Variants in ZFYVE26 observed in about 807,000 individuals in gnomAD.
ZFYVE26 encodes the protein zinc finger FYVE domain-containing protein 26.
ZFYVE26 carries 181 observed loss-of-function variants against 276.5 expected under a neutral mutation model. The observed-to-expected ratio is 0.65, with a 90% CI of 0.58 to 0.74. ZFYVE26 has a LOEUF of 0.74. Ranked by LOEUF, ZFYVE26 falls within the 30% of genes least tolerant of loss-of-function variation. ZFYVE26 has a pLI of 0.00. For missense variants in ZFYVE26, 2,821 were observed against 3,097.9 expected (o/e 0.91, Z 2.12); for synonymous variants, 1,129 against 1,203.1 (o/e 0.94, Z 1.27).
Position 67,737,109 on chromosome 14 carries a change from G to A in ZFYVE26, n.2680-7290C>T, listed in dbSNP as rs557298395. 2.1e-3 allele frequency among the ~76,000 whole-genome samples: 226 copies of A among 106,618 alleles called. 1 individual carries two copies. Among genetic ancestry groups the A allele is most frequent in the Admixed American group, 6.2e-3 (54 of 8,772 alleles). 69.9% of individuals were successfully genotyped at this position (106,618 alleles called of 152,430 possible). A position where few individuals can be genotyped will look rare whatever the true frequency, so the allele number is the denominator to read the frequency against. ...TTTTCTTTTTTTTTTTTTTTTTTTC[G>A]GTAGAGACAAGGTCTCTCTCTGTTG... On this transcript the variant is annotated intron_variant and non_coding_transcript_variant, in intron 13 of 14. Transcript: ENST00000394455.
intron 27 of ZFYVE26, among the ~76,000 whole-genome samples, chr14:67,774,644 C>T (rs1311645690): frequency 2.0e-5 from 3 of 152,190 alleles, no homozygotes; most frequent in African/African-American, 7.2e-5. Context: ...AGTCACTTAA[C>T]ACTTCTGAAT....
chr14:67,802,941 C>T (rs1418694717), intron 9 of ZFYVE26, among the ~76,000 whole-genome samples: 1 of 152,176 alleles, frequency 6.6e-6, no homozygotes, highest in Admixed American at 6.5e-5. Flanking sequence ...CAGATTGTGA[C>T]TATACAATGA....
chr14:67,815,646 A>C (rs971140485), intron 2 of ZFYVE26, 124 bp downstream of exon 2: 1 of 960,994 alleles, frequency 1.0e-6, no homozygotes, highest in African/African-American at 1.6e-5. Flanking sequence ...GAGCACGTGA[A>C]ATACACTGTG....
intron 6 of ZFYVE26, among the ~76,000 whole-genome samples, chr14:67,805,852 A>G (rs2040169352): frequency 6.6e-6 from 1 of 152,118 alleles, no homozygotes; most frequent in Non-Finnish European, 1.5e-5. Context: ...AACATGGGGA[A>G]ACCCTATCTC....
chr14:67,751,265 T>C lies in ZFYVE26; in HGVS notation c.7372-169A>G, dbSNP rs926196971. 4.3e-5 allele frequency: 31 copies of C among 719,536 alleles called. No homozygotes were observed. In the African/African-American group the frequency reaches 5.4e-4, roughly 13 times the overall value. The allele number at this position is 719,536 out of a possible 1,614,324, so 44.6% of individuals were successfully genotyped here. On this transcript the variant is annotated intron_variant, in intron 40 of 41. Coordinates refer to ENST00000347230, the MANE Select transcript of ZFYVE26 (RefSeq NM_015346.4). ...TCACTATGTTGCCCATGCTGGAGTG[T>C]AGTGGCTTTTCACAGGCATGATCCC...
At chr14:67,748,749 C>T (rs948365135) in intron 41 of ZFYVE26, 110 bp from the exon 42 acceptor site, 9 of 1,068,566 alleles carry the variant, frequency 8.4e-6, no homozygotes, top group African/African-American at 7.8e-5. Context: ...TCACCTGCCA[C>T]GTTCATAACA....
chr14:67,816,113 T>C, intron 1 of ZFYVE26, 67 bp from the exon 2 acceptor site: 1 of 625,660 alleles, frequency 1.6e-6, no homozygotes, highest in African/African-American at 1.8e-5. Flanking sequence ...CAGCAACTAC[T>C]GGTCCGCCTG....
In ZFYVE26 at chr14:67,756,848, C is replaced by T. The variant is rs1313588379; in HGVS notation, c.6589-703G>A. On this transcript the variant is annotated intron_variant, in intron 35 of 41. Coordinates refer to ENST00000347230, the MANE Select transcript of ZFYVE26 (RefSeq NM_015346.4). ...ATTCCTCCTGAACTCCAGAACTGTA[C>T]ATCCAACTTATATCCAATTGTCTAC... is the stretch of plus-strand genomic sequence containing the variant. 2.0e-5 allele frequency among the ~76,000 whole-genome samples: 3 copies of T among 152,360 alleles called. No individual in the cohort carries two copies. In the East Asian group the frequency reaches 5.8e-4, roughly 29 times the overall value.
Position 67,748,754 on chromosome 14 carries a change from A to T in ZFYVE26, c.7417-115T>A, listed in dbSNP as rs139979196. ...ACACCATGTCTCACCTGCCACGTTC[A>T]TAACAGGATTCATGTATTTTATGGT... On this transcript the variant is annotated intron_variant, in intron 41 of 41. Transcript: ENST00000347230. 1.8e-3 allele frequency: 1,790 copies of T among 1,018,346 alleles called. 21 individuals are homozygous for T. In the African/African-American group the frequency reaches 0.025, roughly 14 times the overall value. The allele number at this position is 1,018,346 out of a possible 1,614,324, so 63.1% of individuals were successfully genotyped here. A position where few individuals can be genotyped will look rare whatever the true frequency, so the allele number is the denominator to read the frequency against.
intron 13 of ZFYVE26, among the ~76,000 whole-genome samples, chr14:67,736,682 G>C (rs2038356558): frequency 6.6e-6 from 1 of 152,220 alleles, no homozygotes; most frequent in Non-Finnish European, 1.5e-5. Flanking sequence ...AGTGATAATG[G>C]TGAACATATT....
rs200504933 is a variant in ZFYVE26, at chr14:67,780,296, C to T, written c.4619G>A (p.Arg1540Lys). 8.7e-6 allele frequency: 14 copies of T among 1,614,028 alleles called. No individual in the cohort carries two copies. The African/African-American group carries it at 1.5e-4, about 17-fold the overall frequency. Residue 1540 changes from arginine to lysine, a missense_variant, in exon 23 of 42, where the codon AGG (arginine) becomes AAG (lysine). By Grantham distance (26) the Arg-to-Lys change is conservative. Coordinates refer to ENST00000347230, the MANE Select transcript of ZFYVE26 (RefSeq NM_015346.4). ...PPVWCDWQTLRSCCVEDPSTV... is the reference protein window; with the variant it reads ...PPVWCDWQTLKSCCVEDPSTV... ...TGATGGGTCCTCAACACAACAGCTC[C>T]TCAAGGTCTGCCAGTCACACCACAC...
chr14:67,736,725 C>T (rs536897256), intron 13 of ZFYVE26, among the ~76,000 whole-genome samples: 20 of 152,268 alleles, frequency 1.3e-4, no homozygotes, highest in African/African-American at 3.4e-4. Context: ...TTCTAGAAAA[C>T]GGACTTCGAG....
downstream of ZFYVE26, among the ~76,000 whole-genome samples, chr14:67,743,138 G>A (rs1377049364): frequency 6.6e-6 from 1 of 151,988 alleles, no homozygotes; most frequent in African/African-American, 2.4e-5. Flanking sequence ...TGCCTGGCCG[G>A]CACAGAGGTT....
rs1433205740 is a variant in ZFYVE26 at position 67,761,429 on chromosome 14, G to A, written c.6525C>T (p.Ala2175=). The A allele has an allele frequency of 1.9e-6, 3 of 1,614,124 alleles. No homozygotes were observed. The highest frequency in any genetic ancestry group is 2.2e-5 in the East Asian group (1 of 44,888). Residue 2175 remains alanine (A), a synonymous_variant, in exon 35 of 42, where the codon GCC becomes GCT. Transcript: ENST00000347230. ...FYLHNYSTNL[A]IISFYVRHSC... is the part of the protein sequence containing the mutation. ...TGTGCCTCACGTAGAAGCTGATGAT[G>A]GCCAGGTTGGTGCTATAGTTGTGCA...
chr14:67,810,042 C>T (rs2040268449), intron 3 of ZFYVE26, among the ~76,000 whole-genome samples: 1 of 152,158 alleles, frequency 6.6e-6, no homozygotes, highest in South Asian at 2.1e-4. Context: ...CCTCGGCCTT[C>T]CAAAGTGCTG....
Position 67,790,774 on chromosome 14 carries a change from C to A in ZFYVE26, c.2554-1G>T. The A allele has an allele frequency of 6.2e-7, 1 of 1,613,866 alleles. No homozygotes were observed. Among genetic ancestry groups the A allele is most frequent in the Non-Finnish European group, 8.5e-7 (1 of 1,179,872 alleles). On this transcript the variant is annotated splice_acceptor_variant, in intron 14 of 41. Coordinates refer to ENST00000347230, the MANE Select transcript of ZFYVE26 (RefSeq NM_015346.4). LOFTEE classifies it high-confidence loss of function. ...ACTTCAGGTTGAACGTGAACAGCAC[C>A]TGTCATAGGAGAGGGAGTGTGTGGG... is the stretch of plus-strand genomic sequence containing the variant.
At chr14:67,806,789 G>C (rs942704942) in intron 5 of ZFYVE26, 114 bp from the exon 6 acceptor site, 2 of 1,279,424 alleles carry the variant, frequency 1.6e-6, no homozygotes, top group Non-Finnish European at 2.2e-6. Context: ...ACTTAGGCTG[G>C]GTTTTCCATA....
At chr14:67,740,208 G>T (rs2140169464) in intron 13 of ZFYVE26, among the ~76,000 whole-genome samples, 1 of 152,166 alleles carries the variant, frequency 6.6e-6, no homozygotes, top group South Asian at 2.1e-4. Flanking sequence ...AAATCACTAT[G>T]TTGTTATAGT....
At chr14:67,794,422 C>T (rs551548355) in intron 12 of ZFYVE26, among the ~76,000 whole-genome samples, 183 bp from the exon 13 acceptor site, 2 of 152,342 alleles carry the variant, frequency 1.3e-5, no homozygotes, top group South Asian at 4.1e-4. Flanking sequence ...AAAGGGTGGG[C>T]TGAATATGGC....
Sources: gnomAD v4.1 joint callset for allele counts (sites outside exome capture counted in the v4.1 genomes callset) on GRCh38, gnomAD v4.1.1 for gene constraint, MANE v1.5 for transcripts, NCBI Gene and HGNC (gene_info 2026-07-23, HGNC 2026-07-21) for gene names.